Variants in SEMA6D observed in about 807,000 individuals in gnomAD.
SEMA6D encodes semaphorin-6D.
SEMA6D carries 35 observed loss-of-function variants against 106.6 expected under a neutral mutation model. The observed-to-expected ratio is 0.33, with a 90% confidence interval of 0.25 to 0.44. The LOEUF (loss-of-function observed/expected upper bound fraction) is 0.44, where lower values mean the gene tolerates loss of function less well. Ranked by LOEUF, SEMA6D falls within the 20% of genes least tolerant of loss-of-function variation. The pLI is 1.00. For missense variants in SEMA6D, 1,185 were observed against 1,345.9 expected (o/e 0.88, Z 1.87); for synonymous variants, 499 against 487.7 (o/e 1.02, Z -0.31).
At chr15:47,755,095 G>A (rs1034249647) in intron 1 of SEMA6D, among the ~76,000 whole-genome samples, 2 of 151,858 alleles carry the variant, frequency 1.3e-5, no homozygotes, top group African/African-American at 4.8e-5. Context: ...GGGATTAGAG[G>A]TGTGCACCAC....
intron 1 of SEMA6D, among the ~76,000 whole-genome samples, chr15:47,229,889 G>A (rs919666920): frequency 6.6e-6 from 1 of 152,030 alleles, no homozygotes; most frequent in African/African-American, 2.4e-5. Flanking sequence ...GCTTTGGTTA[G>A]CGTTGCCAGA....
At chr15:47,234,181 C>G (rs1034482105) in intron 1 of SEMA6D, among the ~76,000 whole-genome samples, 1 of 151,920 alleles carries the variant, frequency 6.6e-6, no homozygotes, top group Non-Finnish European at 1.5e-5. Flanking sequence ...AATGCAGTCC[C>G]AGGGCTGTTC....
At chr15:47,388,127 A>G (rs1453563315) in intron 1 of SEMA6D, among the ~76,000 whole-genome samples, 1 of 152,230 alleles carries the variant, frequency 6.6e-6, no homozygotes, top group African/African-American at 2.4e-5. Flanking sequence ...TCCATAGAAT[A>G]TGCACAACCT....
intron 1 of SEMA6D, among the ~76,000 whole-genome samples, chr15:47,322,640 G>A (rs986038059): frequency 6.6e-6 from 1 of 151,962 alleles, no homozygotes; most frequent in Non-Finnish European, 1.5e-5. Context: ...TGTCTTCTGG[G>A]TTTCTCCACT....
chr15:47,332,605 A>T (rs1275377189), intron 1 of SEMA6D, among the ~76,000 whole-genome samples: 1 of 152,156 alleles, frequency 6.6e-6, no homozygotes, highest in Non-Finnish European at 1.5e-5. Flanking sequence ...TTCTAAGTCC[A>T]CTTAAGCTTT....
chr15:47,760,381 T>C lies in SEMA6D; in HGVS notation c.187T>C (p.Leu63=). ...GCACAGGCTGGACTTTCAGCTGATG[T>C]TGAAAATTCGAGACACACTTTATAT... The part of the protein sequence containing the change: ...SQHRLDFQLM[L]KIRDTLYIAG... The change falls in exon 3 of 19, where the codon TTG becomes CTG. Residue 63 remains leucine, a synonymous_variant. Transcript: ENST00000536845. 2 of 1,613,594 alleles carry C rather than the reference T, an allele frequency of 1.2e-6. No homozygotes were observed. Among genetic ancestry groups the C allele is most frequent in the East Asian group, 2.2e-5 (1 of 44,868 alleles).
At chr15:47,313,444 T>C (rs962713728) in intron 1 of SEMA6D, among the ~76,000 whole-genome samples, 5 of 152,252 alleles carry the variant, frequency 3.3e-5, no homozygotes, top group Admixed American at 2.6e-4. Context: ...TTTTCATAGC[T>C]TGATAGCTAT....
At chr15:47,255,775 A>C (rs1360058186) in intron 1 of SEMA6D, among the ~76,000 whole-genome samples, 1 of 152,162 alleles carries the variant, frequency 6.6e-6, no homozygotes, top group Non-Finnish European at 1.5e-5. Flanking sequence ...ATAGCCCTAA[A>C]TCTCAAAGTT....
At chr15:47,228,241 G>T (rs2031942376) in intron 1 of SEMA6D, among the ~76,000 whole-genome samples, 1 of 150,942 alleles carries the variant, frequency 6.6e-6, no homozygotes, top group African/African-American at 2.4e-5. Context: ...CAGCAGCCTG[G>T]AACCATGCCT....
At chr15:47,636,409 A>G (rs1308595290) in intron 4 of SEMA6D, among the ~76,000 whole-genome samples, 1 of 152,190 alleles carries the variant, frequency 6.6e-6, no homozygotes, top group Non-Finnish European at 1.5e-5. Context: ...TGTTAAAACC[A>G]GACATGAGCT....
chr15:47,351,725 G>A (rs1282152531), intron 1 of SEMA6D, among the ~76,000 whole-genome samples: 1 of 152,152 alleles, frequency 6.6e-6, no homozygotes, highest in Non-Finnish European at 1.5e-5. Context: ...ATTTATGTTT[G>A]AGTCTTCCTG....
At chr15:47,227,211 C>T (rs766533232) in intron 1 of SEMA6D, among the ~76,000 whole-genome samples, 3 of 151,958 alleles carry the variant, frequency 2.0e-5, no homozygotes, top group Non-Finnish European at 4.4e-5. Flanking sequence ...ATCAAGGAAA[C>T]AGCTACATAT....
intron 3 of SEMA6D, among the ~76,000 whole-genome samples, chr15:47,535,069 CA>C (rs796493775): frequency 0.2 from 18,859 of 93,120 alleles, 2,114 homozygotes; most frequent in African/African-American, 0.39. Context: ...AAGAATGTGA[CA>C]AAAAAAAAAA....
At chr15:47,500,071 T>C (rs770765515) in intron 3 of SEMA6D, among the ~76,000 whole-genome samples, 2 of 152,194 alleles carry the variant, frequency 1.3e-5, no homozygotes, top group Non-Finnish European at 2.9e-5. Context: ...TCTAGTTTCT[T>C]GAGAAGTCAT....
At chr15:47,588,599 C>G (rs989106929) in intron 3 of SEMA6D, among the ~76,000 whole-genome samples, 1 of 152,222 alleles carries the variant, frequency 6.6e-6, no homozygotes, top group Non-Finnish European at 1.5e-5. Flanking sequence ...GCCTCCCTTG[C>G]AGGCATTTGC....
At chr15:47,572,309 A>G (rs970405037) in intron 3 of SEMA6D, among the ~76,000 whole-genome samples, 4 of 152,252 alleles carry the variant, frequency 2.6e-5, no homozygotes, top group Non-Finnish European at 2.9e-5. Context: ...CTATTTTTAT[A>G]TAATAAATTA....
At chr15:47,190,760 A>G (rs185390940) in intron 1 of SEMA6D, among the ~76,000 whole-genome samples, 19 of 152,344 alleles carry the variant, frequency 1.2e-4, no homozygotes, top group African/African-American at 4.3e-4. Flanking sequence ...TCTTCATACT[A>G]TATCCATCCT....
At chr15:47,629,865 G>T (rs534585478) in intron 4 of SEMA6D, among the ~76,000 whole-genome samples, 1 of 151,892 alleles carries the variant, frequency 6.6e-6, no homozygotes, top group South Asian at 2.1e-4. Context: ...TCATGTTTCT[G>T]CAAATGACAT....
intron 4 of SEMA6D, among the ~76,000 whole-genome samples, chr15:47,660,808 G>T (rs2145181342): frequency 6.6e-6 from 1 of 152,160 alleles, no homozygotes; most frequent in Middle Eastern, 3.4e-3. Flanking sequence ...CTTTACACTT[G>T]TTTGGACAGC....
Sources: gnomAD v4.1 joint callset for allele counts (sites outside exome capture counted in the v4.1 genomes callset) on GRCh38, gnomAD v4.1.1 for gene constraint, MANE v1.5 for transcripts, NCBI Gene and HGNC (gene_info 2026-07-23, HGNC 2026-07-21) for gene names.